Variants in ABCC10 observed in about 807,000 individuals in gnomAD.
ABCC10 encodes ATP-binding cassette sub-family C member 10.
Under a neutral mutation model 143.2 loss-of-function variants are expected in ABCC10, and 110 were observed. The ratio of observed to expected loss-of-function variants is 0.77; its 90% CI spans 0.66 to 0.90. ABCC10 has a LOEUF of 0.90. Among genes scored for constraint, ABCC10 ranks in the 40% least tolerant of loss-of-function variants. The probability of loss-of-function intolerance (pLI) is 0.00; values close to 1 mark genes in which losing one functional copy is unlikely to be tolerated. For missense variants in ABCC10, 1,700 were observed against 1,900.5 expected (o/e 0.89, Z 1.96); for synonymous variants, 805 against 846.7 (o/e 0.95, Z 0.85).
At position 43,444,833 on chromosome 6, in the gene ABCC10, A is replaced by T; in HGVS notation, c.2735A>T (p.Gln912Leu). The T allele has an allele frequency of 6.2e-7, 1 of 1,613,020 alleles. No individual in the cohort carries two copies. Reference protein sequence around the residue: ...ADWWLSHWISQLKAENSSQEA... With the variant: ...ADWWLSHWISLLKAENSSQEA... ...TGGTGGCTCTCCCACTGGATCTCTC[A>T]GCTGAAGGCTGAGAATAGCTCCCAG... is the stretch of plus-strand genomic sequence containing the variant. The change falls in exon 13 of 22, where the codon CAG (glutamine) becomes CTG (leucine). Residue 912 changes from glutamine to leucine, a missense_variant. Physicochemically the swap from Gln to Leu is moderately radical, Grantham distance 113. Coordinates refer to ENST00000372530, the MANE Select transcript of ABCC10 (RefSeq NM_001198934.2).
chr6:43,449,917 TC>T lies in ABCC10; in HGVS notation c.4317-7del. 6.2e-7 allele frequency: 1 copy of T among 1,613,734 alleles called. No individual in the cohort carries two copies. The highest frequency in any genetic ancestry group is 1.1e-5 in the South Asian group (1 of 91,058). On this transcript the variant is annotated splice_polypyrimidine_tract_variant and intron_variant, in intron 21 of 21. Coordinates refer to ENST00000372530, the MANE Select transcript of ABCC10 (RefSeq NM_001198934.2). ...CCCTCATCCCCTACACTGACCATCT[TC>T]CCCCTCACAGGCTCAACACGATCCT...
chr6:43,428,682 A>C (rs1310398046), intron 2 of ABCC10, among the ~76,000 whole-genome samples: 1 of 152,192 alleles, frequency 6.6e-6, no homozygotes, highest in East Asian at 1.9e-4. Context: ...TGTGGATGCT[A>C]AACTCAACTT....
downstream of ABCC10, chr6:43,451,220 G>A: frequency 6.2e-7 from 1 of 1,614,180 alleles, no homozygotes; most frequent in Non-Finnish European, 8.5e-7. The surrounding 1 kb of genome is among the most constrained non-coding windows in gnomAD (Gnocchi z 4.4). Flanking sequence ...GGCACGTGAA[G>A]TTGAGAGCAA....
At position 43,447,729 on chromosome 6, in the gene ABCC10, G is replaced by A. The variant is rs750581964; in HGVS notation, c.3751G>A (p.Val1251Met). 25 of 1,613,994 alleles carry A rather than the reference G, an allele frequency of 1.5e-5. No individual in the cohort carries two copies. Among genetic ancestry groups the A allele is most frequent in the African/African-American group, 8.0e-5 (6 of 74,924 alleles). ...CCAGGGGGGCGTGGAGTTCCAGGAC[G>A]TGGTGTTGGCGTACCGGCCAGGGCT... Reference protein sequence around the residue: ...LTQGGVEFQDVVLAYRPGLPN... With the variant: ...LTQGGVEFQDMVLAYRPGLPN... Residue 1251 changes from valine (V) to methionine (M), a missense_variant, in exon 18 of 22, where the codon GTG (valine) becomes ATG (methionine). Transcript: ENST00000372530.
chr6:43,432,033 G>A (rs1187664632), intron 2 of ABCC10, 109 bp from the exon 3 acceptor site: 7 of 1,501,634 alleles, frequency 4.7e-6, no homozygotes, highest in Non-Finnish European at 6.2e-6. Flanking sequence ...AGATGTGCAA[G>A]GCAGGAAGGG....
chr6:43,443,195 C>A lies in ABCC10; in HGVS notation c.2416+36C>A. The A allele has an allele frequency of 6.5e-7, 1 of 1,539,860 alleles. No homozygotes were observed. The highest frequency in any genetic ancestry group is 8.7e-7 in the Non-Finnish European group (1 of 1,150,388). ...CAGGAGCCCCGTGTGAGGGAGGTGTCTGCCCAGGTCTGGCAGGGGATTGTG... is the reference window on the plus strand; with the variant it reads ...CAGGAGCCCCGTGTGAGGGAGGTGTATGCCCAGGTCTGGCAGGGGATTGTG... On this transcript the variant is annotated intron_variant, in intron 10 of 21. Coordinates refer to ENST00000372530, the MANE Select transcript of ABCC10 (RefSeq NM_001198934.2). The surrounding 1 kb of genome is among the most constrained non-coding windows in gnomAD (Gnocchi z 4.2).
At chr6:43,447,981 T>C in intron 18 of ABCC10, 44 bp downstream of exon 18, 1 of 1,603,684 alleles carries the variant, frequency 6.2e-7, no homozygotes, top group Admixed American at 1.7e-5. Context: ...GAACCAGAAC[T>C]ACTGGCACTT....
chr6:43,448,459 T>C (rs1008003519), intron 18 of ABCC10, among the ~76,000 whole-genome samples: 8 of 152,310 alleles, frequency 5.3e-5, no homozygotes, highest in African/African-American at 9.6e-5. Flanking sequence ...GGCCCTACCT[T>C]ATAGCTCCAT....
Position 43,428,097 on chromosome 6 carries a change from C to T in ABCC10, c.119C>T (p.Ala40Val), listed in dbSNP as rs1377182149. ...TQLVLSALPH[A>V]LLAVLSACYL... ...CTGGTGCTCAGCGCCCTGCCCCACG[C>T]GCTCCTCGCCGTGCTCAGTGCCTGT... The change falls in exon 2 of 22, where the codon GCG becomes GTG. Residue 40 changes from alanine to valine, a missense_variant. Transcript: ENST00000372530. 6.4e-7 allele frequency: 1 copy of T among 1,554,030 alleles called. No homozygotes were observed. The highest frequency in any genetic ancestry group is 1.2e-5 in the South Asian group (1 of 84,768).
At chr6:43,445,486 C>T in intron 14 of ABCC10, 113 bp from the exon 15 acceptor site, 2 of 1,377,050 alleles carry the variant, frequency 1.5e-6, no homozygotes, top group Middle Eastern at 2.1e-4. Flanking sequence ...ATATTTTAGT[C>T]CTTCCCTATT....
chr6:43,432,808 C>T lies in ABCC10; in HGVS notation c.828C>T (p.Ala276=), dbSNP rs1781280266. The change falls in exon 3 of 22, where the codon GCC becomes GCT. Residue 276 remains alanine (A), a synonymous_variant. Transcript: ENST00000372530. The stretch of plus-strand genomic sequence containing the variant: ...AGGAGGGGGCACGGCTGTGGAGGGC[C>T]TTGTATGGGGCCTTTGGACGGTGCT... The part of the protein sequence containing the change: ...HWQEGARLWR[A]LYGAFGRCYL... 1 of 1,614,172 alleles carries T rather than the reference C, an allele frequency of 6.2e-7. No homozygotes were observed. Among genetic ancestry groups the T allele is most frequent in the Non-Finnish European group, 8.5e-7 (1 of 1,180,026 alleles).
At chr6:43,446,115 G>T (rs909995121) in intron 15 of ABCC10, among the ~76,000 whole-genome samples, 162 bp from the exon 16 acceptor site, 1 of 152,144 alleles carries the variant, frequency 6.6e-6, no homozygotes, top group Non-Finnish European at 1.5e-5. Context: ...CCCCCACTTT[G>T]AAAGAGCACA....
At chr6:43,444,390 G>T in intron 12 of ABCC10, 37 bp downstream of exon 12, 1 of 1,559,904 alleles carries the variant, frequency 6.4e-7, no homozygotes, top group Non-Finnish European at 8.7e-7. Context: ...CATCGTAACG[G>T]CTGTGCTGTC....
rs371964238 is a variant in ABCC10 at position 43,432,647 on chromosome 6, C to G, written c.667C>G (p.Arg223Gly). The change falls in exon 3 of 22, where the codon CGC (arginine) becomes GGC (glycine). Residue 223 changes from arginine (R) to glycine (G), a missense_variant. Physicochemically the swap from Arg to Gly is moderately radical, Grantham distance 125 (BLOSUM62 -2). Coordinates refer to ENST00000372530, the MANE Select transcript of ABCC10 (RefSeq NM_001198934.2). ...VAEDGESWLS[R>G]FSYAWLAPLL... is the part of the protein sequence containing the mutation. ...TGAAGATGGGGAGAGTTGGCTGTCA[C>G]GCTTTTCCTATGCCTGGCTGGCACC... 5.6e-6 allele frequency: 9 copies of G among 1,613,772 alleles called. No individual in the cohort carries two copies. Among genetic ancestry groups the G allele is most frequent in the South Asian group, 3.3e-5 (3 of 91,090 alleles).
chr6:43,430,244 C>G (rs1455718461), intron 2 of ABCC10, among the ~76,000 whole-genome samples: 1 of 151,820 alleles, frequency 6.6e-6, no homozygotes, highest in Non-Finnish European at 1.5e-5. Flanking sequence ...GCATGTGCCA[C>G]CATGCCTGGC....
intron 20 of ABCC10, 55 bp downstream of exon 20, chr6:43,449,259 G>A: frequency 6.3e-7 from 1 of 1,587,758 alleles, no homozygotes; most frequent in Non-Finnish European, 8.6e-7. Flanking sequence ...TGGGGGCCGG[G>A]AGGTGGGGAG....
rs760847921 is a variant in ABCC10 at position 43,450,134 on chromosome 6, C to G, written c.*43C>G. On this transcript the variant is annotated 3_prime_UTR_variant, in exon 22 of 22. Transcript: ENST00000372530. This position sits in a 1 kb window ranked among gnomAD's most constrained non-coding sequence, Gnocchi z 4.5. Reference sequence around the variant, plus strand: ...GCAGAGTTCTCCCCTCTCTCTGATCCAGGCCGGGCCTATACAGAGGTGCTG... The same window carrying G: ...GCAGAGTTCTCCCCTCTCTCTGATCGAGGCCGGGCCTATACAGAGGTGCTG... 3 of 1,549,816 alleles carry G rather than the reference C, an allele frequency of 1.9e-6. No homozygotes were observed. Among genetic ancestry groups the G allele is most frequent in the African/African-American group, 2.7e-5 (2 of 73,558 alleles).
intron 5 of ABCC10, 29 bp from the exon 6 acceptor site, chr6:43,436,109 A>C (rs765844148): frequency 6.2e-7 from 1 of 1,613,960 alleles, no homozygotes; most frequent in South Asian, 1.1e-5. Context: ...GTAGATTAGG[A>C]GCCCAAATCA....
intron 16 of ABCC10, chr6:43,446,966 G>A (rs1329852407): frequency 2.4e-6 from 2 of 843,542 alleles, no homozygotes; most frequent in Admixed American, 4.6e-5. Flanking sequence ...TCCTGTCTCA[G>A]CCTCCCAAGT....
Sources: allele counts gnomAD v4.1 joint callset (sites outside exome capture counted in the v4.1 genomes callset), GRCh38; gene constraint gnomAD v4.1.1; non-coding constraint Gnocchi (gnomAD v3.1); transcripts MANE v1.5; gene names NCBI Gene and HGNC (gene_info 2026-07-23, HGNC 2026-07-21).